HIVEP2: variants seen among roughly 807,000 people sequenced by gnomAD.
The protein encoded by HIVEP2 is transcription factor HIVEP2.
Under a neutral mutation model 180.7 loss-of-function variants are expected in HIVEP2, and 14 were observed. The ratio of observed to expected loss-of-function variants is 0.08; its 90% CI spans 0.05 to 0.12. The LOEUF is 0.12. HIVEP2 is among the 10% of genes least tolerant of loss of function. HIVEP2 has a pLI of 1.00. For missense variants in HIVEP2, 2,579 were observed against 3,008.5 expected, an observed-to-expected ratio of 0.86 and a Z score of 3.34; for synonymous variants, 1,184 against 1,136.4, an observed-to-expected ratio of 1.04 and a Z score of -0.84.
intron 2 of HIVEP2, among the ~76,000 whole-genome samples, chr6:142,829,544 A>C (rs929258754): frequency 3.9e-5 from 6 of 152,224 alleles, no homozygotes; most frequent in African/African-American, 1.4e-4. Flanking sequence ...TATCCAAGTC[A>C]GGTATGTACT....
At position 142,753,171 on chromosome 6, in the gene HIVEP2, T is replaced by C. The variant is rs1774963428; in HGVS notation, c.7277A>G (p.Lys2426Arg). Residue 2426 changes from lysine to arginine, a missense_variant, in exon 10 of 10, where the codon AAG (lysine) becomes AGG (arginine). Physicochemically the swap from Lys to Arg is conservative, Grantham distance 26 (BLOSUM62 2). Transcript: ENST00000367603. The stretch of plus-strand genomic sequence containing the variant: ...TTCCTCTGTGCTTGAAGATAATTCC[T>C]TGCTGCTGTGAAAGTCCAACTGCTT... ...DDKQLDFHSS[K>R]ELSSSTEESK... The C allele has an allele frequency of 6.2e-7, 1 of 1,613,978 alleles. No individual in the cohort carries two copies. Among genetic ancestry groups the C allele is most frequent in the Non-Finnish European group, 8.5e-7 (1 of 1,179,788 alleles).
rs554365527 is a variant in HIVEP2 at position 142,772,339 on chromosome 6, A to G, written c.2400T>C (p.Ser800=). The change falls in exon 5 of 10, where the codon TCT becomes TCC. Residue 800 remains serine, a synonymous_variant. Coordinates refer to ENST00000367603, the MANE Select transcript of HIVEP2 (RefSeq NM_006734.4). The surrounding 1 kb of genome is among the most constrained non-coding windows in gnomAD (Gnocchi z 4.9). ...TCAGTGAGTTGGTGTGCTGAATCAC[A>G]GAAATCACATTTCCAGGAGGTTTCC... ...GGRKPPGNVI[S]VIQHTNSLSR... The G allele has an allele frequency of 6.2e-7, 1 of 1,614,222 alleles. No homozygotes were observed. Among genetic ancestry groups the G allele is most frequent in the Middle Eastern group, 1.6e-4 (1 of 6,062 alleles).
intron 1 of HIVEP2, among the ~76,000 whole-genome samples, chr6:142,876,790 A>AGCCTTT (rs1776450214): frequency 6.6e-6 from 1 of 152,194 alleles, no homozygotes; most frequent in African/African-American, 2.4e-5. Flanking sequence ...TGGGAGGCCG[A>AGCCTTT]GGGAGGTGGG....
At position 142,772,646 on chromosome 6, in the gene HIVEP2, C is replaced by T. The variant is rs770380783; in HGVS notation, c.2093G>A (p.Arg698Gln). 7 of 1,614,090 alleles carry T rather than the reference C, an allele frequency of 4.3e-6. No individual in the cohort carries two copies. Among genetic ancestry groups the T allele is most frequent in the Admixed American group, 1.7e-5 (1 of 60,008 alleles). ...TTCATCCCCTACGCTCTTCTCTTTCCGGCGTTTCCTGTTTTCACAGGTAGT... is the reference window on the plus strand; with the variant it reads ...TTCATCCCCTACGCTCTTCTCTTTCTGGCGTTTCCTGTTTTCACAGGTAGT... ...FGTTCENRKRRKEKSVGDEED... is the reference protein window; with the variant it reads ...FGTTCENRKRQKEKSVGDEED... The change falls in exon 5 of 10, where the codon CGG (arginine) becomes CAG (glutamine). Residue 698 changes from arginine (R) to glutamine (Q), a missense_variant. Physicochemically the swap from Arg to Gln is conservative, Grantham distance 43. Transcript: ENST00000367603. The surrounding 1 kb of genome is among the most constrained non-coding windows in gnomAD (Gnocchi z 4.9).
chr6:142,823,083 G>A (rs1391972719), intron 2 of HIVEP2, among the ~76,000 whole-genome samples: 1 of 152,108 alleles, frequency 6.6e-6, no homozygotes, highest in Non-Finnish European at 1.5e-5. Context: ...ATCTGCCATG[G>A]CTTCTTTCCT....
At chr6:142,777,412 C>T (rs1245026043) in intron 3 of HIVEP2, among the ~76,000 whole-genome samples, 1 of 151,972 alleles carries the variant, frequency 6.6e-6, no homozygotes, top group Non-Finnish European at 1.5e-5. Flanking sequence ...AGTTGATCAA[C>T]AGAAAATTCC....
chr6:142,940,663 T>A (rs1582981358), intron 1 of HIVEP2, among the ~76,000 whole-genome samples: 1 of 151,306 alleles, frequency 6.6e-6, no homozygotes, highest in Admixed American at 6.6e-5. Context: ...GTGGTTCGGG[T>A]CATTATTTAT....
At chr6:142,923,813 G>A (rs371545782) in intron 1 of HIVEP2, among the ~76,000 whole-genome samples, 20 of 152,260 alleles carry the variant, frequency 1.3e-4, no homozygotes, top group African/African-American at 2.2e-4. Flanking sequence ...GTACAGCAAC[G>A]GCTTTTAATC....
intron 2 of HIVEP2, among the ~76,000 whole-genome samples, chr6:142,810,761 CAAAA>C (rs60893476): frequency 5.0e-5 from 5 of 100,736 alleles, no homozygotes; most frequent in Admixed American, 1.1e-4. Context: ...GACTCTGTCT[CAAAA>C]AAAAAAAAAA....
chr6:142,911,059 A>G (rs1247512664), intron 1 of HIVEP2, among the ~76,000 whole-genome samples: 1 of 151,820 alleles, frequency 6.6e-6, no homozygotes. Flanking sequence ...AAGTTTAAAA[A>G]GTTCAAGACA....
chr6:142,851,424 A>T (rs1258500491), intron 1 of HIVEP2, among the ~76,000 whole-genome samples: 1 of 152,226 alleles, frequency 6.6e-6, no homozygotes, highest in Non-Finnish European at 1.5e-5. Context: ...ACTACTGAAA[A>T]CCTTAAGGAA....
chr6:142,793,681 C>CTTTCTTTCTTTCTTTCTTTCTT (rs1554279298), intron 2 of HIVEP2, among the ~76,000 whole-genome samples: 1 of 125,566 alleles, frequency 8.0e-6, no homozygotes, highest in Non-Finnish European at 1.7e-5. Flanking sequence ...CTTTCTCTCT[C>CTTTCTTTCTTTCTTTCTTTCTT]TCTCTCTCTC....
chr6:142,893,394 C>T (rs1776908254), intron 1 of HIVEP2, among the ~76,000 whole-genome samples: 1 of 152,124 alleles, frequency 6.6e-6, no homozygotes, highest in African/African-American at 2.4e-5. Context: ...ATTCAATTTC[C>T]CTTGAAAAAT....
chr6:142,874,567 A>G (rs1443575397), intron 1 of HIVEP2, among the ~76,000 whole-genome samples: 2 of 152,184 alleles, frequency 1.3e-5, no homozygotes, highest in Admixed American at 1.3e-4. Flanking sequence ...CCATAGCCCT[A>G]TGCCTAAGGA....
At chr6:142,903,654 G>A (rs1160795237) in intron 1 of HIVEP2, among the ~76,000 whole-genome samples, 1 of 152,030 alleles carries the variant, frequency 6.6e-6, no homozygotes, top group Non-Finnish European at 1.5e-5. Context: ...GACTCCGGTG[G>A]TTCCCATTAA....
At chr6:142,907,343 C>T (rs575295381) in intron 1 of HIVEP2, among the ~76,000 whole-genome samples, 33 of 151,996 alleles carry the variant, frequency 2.2e-4, no homozygotes, top group Admixed American at 4.6e-4. Flanking sequence ...CTGCTTTCCC[C>T]GGGTTGTCGC....
chr6:142,837,080 A>T (rs1389089237), intron 1 of HIVEP2, 33 bp from the exon 2 acceptor site: 1 of 152,136 alleles, frequency 6.6e-6, no homozygotes, highest in Admixed American at 6.6e-5. Flanking sequence ...CTACATTTAA[A>T]CCGGAGCGTG....
chr6:142,774,530 G>A lies in HIVEP2; in HGVS notation c.209C>T (p.Ala70Val), dbSNP rs762808088. 8.1e-6 allele frequency: 13 copies of A among 1,614,176 alleles called. No homozygotes were observed. The highest frequency in any genetic ancestry group is 1.0e-5 in the Non-Finnish European group (12 of 1,180,026). ...TTGCTGCACCACTTCACTAGGGGAG[G>A]CCAGTTTCCCAGAACCAAACAGTTG... ...SAQLFGSGKL[A>V]SPSEVVQQVA... Residue 70 changes from alanine (A) to valine (V), a missense_variant, in exon 5 of 10, where the codon GCC becomes GTC. Transcript: ENST00000367603. The surrounding 1 kb of genome is among the most constrained non-coding windows in gnomAD (Gnocchi z 5.1).
chr6:142,890,773 T>C (rs1219684389), intron 1 of HIVEP2, among the ~76,000 whole-genome samples: 1 of 152,176 alleles, frequency 6.6e-6, no homozygotes. Context: ...CAAAAAACAC[T>C]TAAATCTCTA....
Sources: allele counts gnomAD v4.1 joint callset (sites outside exome capture counted in the v4.1 genomes callset), GRCh38; gene constraint gnomAD v4.1.1; non-coding constraint Gnocchi (gnomAD v3.1); transcripts MANE v1.5; gene names NCBI Gene and HGNC (gene_info 2026-07-23, HGNC 2026-07-21).